PODXL: variants seen among roughly 807,000 people sequenced by gnomAD.
PODXL encodes the protein podocalyxin like.
PODXL carries 20 observed loss-of-function variants against 48.9 expected under a neutral mutation model. That is an observed-to-expected ratio of 0.41 (90% CI 0.29 to 0.59). PODXL has a LOEUF of 0.59. Among genes scored for constraint, PODXL ranks in the 20% least tolerant of loss-of-function variants. The pLI, the probability that PODXL is intolerant of heterozygous loss-of-function variation, is 0.31. For synonymous variants in PODXL, 295 were observed against 287.4 expected (o/e 1.03, Z -0.27); for missense variants, 606 against 675.1 (o/e 0.90, Z 1.13).
chr7:131,504,644 G>A (rs1051722709), intron 8 of PODXL, 136 bp from the exon 9 acceptor site: 5 of 709,204 alleles, frequency 7.1e-6, no homozygotes, highest in Non-Finnish European at 1.2e-5. Context: ...TGTGGGGCTG[G>A]CTGCTCCTGG....
In PODXL at chr7:131,503,992, G is replaced by A. The variant is rs926187232; in HGVS notation, c.*319C>T. On this transcript the variant is annotated 3_prime_UTR_variant, in exon 9 of 9. Coordinates refer to ENST00000378555, the MANE Select transcript of PODXL (RefSeq NM_001018111.3). ...TTGGGCAAGTCACTTACCCTCTTCA[G>A]GTCTCGGCAATCTCACTGCAGAATG... 2 of 386,854 alleles carry A rather than the reference G, an allele frequency of 5.2e-6. No individual in the cohort carries two copies. Among genetic ancestry groups the A allele is most frequent in the African/African-American group, 2.1e-5 (1 of 48,610 alleles). The allele number at this position is 386,854 out of a possible 1,614,324, so 24.0% of individuals were successfully genotyped here.
At chr7:131,540,607 G>A (rs1488760921) in intron 1 of PODXL, among the ~76,000 whole-genome samples, 2 of 152,056 alleles carry the variant, frequency 1.3e-5, no homozygotes, top group African/African-American at 4.8e-5. Flanking sequence ...GAGCCAAAGC[G>A]CCCGGACATT....
rs34520552 is a variant in PODXL, at chr7:131,504,383, C to A, written c.1605G>T (p.Gly535=). The stretch of plus-strand genomic sequence containing the variant: ...TGTCCAGAGGGACGATCCAGCTGTC[C>A]CCCAGCTCCCCGTTGAGGCTGACCA... ...KKVVSLNGEL[G]DSWIVPLDNL... Residue 535 remains glycine, a synonymous_variant, in exon 9 of 9, where the codon GGG becomes GGT. Transcript: ENST00000378555. 5,402 of 1,614,162 alleles carry A rather than the reference C, an allele frequency of 3.3e-3. 114 individuals are homozygous for A. The African/African-American group carries it at 0.055, about 16-fold the overall frequency.
Position 131,503,084 on chromosome 7 carries a change from G to A in PODXL, c.*1227C>T, listed in dbSNP as rs939814054. 1.8e-4 allele frequency: 28 copies of A among 152,636 alleles called. No individual in the cohort carries two copies. Among genetic ancestry groups the A allele is most frequent in the African/African-American group, 6.5e-4 (27 of 41,444 alleles). The allele number at this position is 152,636 out of a possible 1,614,324, so 9.5% of individuals were successfully genotyped here. On this transcript the variant is annotated 3_prime_UTR_variant, in exon 9 of 9. Coordinates refer to ENST00000378555, the MANE Select transcript of PODXL (RefSeq NM_001018111.3). The stretch of plus-strand genomic sequence containing the variant: ...TGAGCTAACTGGACGTCTGCCAACT[G>A]TCTGAGCTTTTGGCCTTTGGCAGTG...
intron 1 of PODXL, among the ~76,000 whole-genome samples, chr7:131,538,918 C>A (rs1364879420): frequency 6.6e-6 from 1 of 152,230 alleles, no homozygotes; most frequent in Non-Finnish European, 1.5e-5. Flanking sequence ...CAATACCCTC[C>A]CCAGGGGCCT....
rs537537424 is a variant in PODXL at position 131,528,938 on chromosome 7, C to T, written c.101-17505G>A. On this transcript the variant is annotated intron_variant, in intron 1 of 8. Transcript: ENST00000378555. ...TTTGTTAGGTCTTGAGTTCAAGCAT[C>T]GTGATGTGGGTTTACTTGAGCAGAT... 6.6e-5 allele frequency among the ~76,000 whole-genome samples: 10 copies of T among 151,878 alleles called. No homozygotes were observed. In the South Asian group the frequency reaches 1.5e-3, roughly 22 times the overall value.
chr7:131,553,033 A>C (rs1048582488), intron 1 of PODXL, among the ~76,000 whole-genome samples: 2 of 151,878 alleles, frequency 1.3e-5, no homozygotes, highest in African/African-American at 4.8e-5. Flanking sequence ...TGATCCTCCC[A>C]CCTTGGCCTC....
chr7:131,552,972 A>G (rs1798690875), intron 1 of PODXL, among the ~76,000 whole-genome samples: 1 of 151,994 alleles, frequency 6.6e-6, no homozygotes, highest in East Asian at 1.9e-4. Context: ...TTGTCTTTTT[A>G]GTACAGTCTT....
intron 1 of PODXL, among the ~76,000 whole-genome samples, chr7:131,523,767 A>G: frequency 6.6e-6 from 1 of 150,748 alleles, no homozygotes; most frequent in South Asian, 2.1e-4. Flanking sequence ...ATACAAGATT[A>G]TTTTTATATT....
intron 5 of PODXL, among the ~76,000 whole-genome samples, chr7:131,508,507 T>C (rs1040349521): frequency 2.0e-5 from 3 of 152,150 alleles, no homozygotes; most frequent in Non-Finnish European, 4.4e-5. Context: ...ACTTCCTGCC[T>C]CAGCTTCTCA....
At chr7:131,507,399 G>T (rs139756311) in intron 5 of PODXL, among the ~76,000 whole-genome samples, 2 of 152,300 alleles carry the variant, frequency 1.3e-5, no homozygotes, top group African/African-American at 4.8e-5. Flanking sequence ...TGTGGCTGAC[G>T]TGGCTTTAGA....
At position 131,510,943 on chromosome 7, in the gene PODXL, A is replaced by C. The variant is rs200312133; in HGVS notation, c.591T>G (p.Pro197=). 54 of 1,614,174 alleles carry C rather than the reference A, an allele frequency of 3.3e-5. No homozygotes were observed. The highest frequency in any genetic ancestry group is 1.7e-5 in the Admixed American group (1 of 60,026). Residue 197 remains proline (P), a synonymous_variant, in exon 2 of 9, where the codon CCT becomes CCG. Coordinates refer to ENST00000378555, the MANE Select transcript of PODXL (RefSeq NM_001018111.3). ...LSPRQPTSTH[P]VATPTSSGHD... ...GTCCCGAGCTTGTTGGGGTGGCCAC[A>C]GGATGCGTCGAAGTGGGTTGTCGGG... is the stretch of plus-strand genomic sequence containing the variant.
At position 131,556,283 on chromosome 7, in the gene PODXL, GGCGA is replaced by G. The variant is rs766045020; in HGVS notation, c.73_76del (p.Ser25ArgfsTer141). The stretch of plus-strand genomic sequence containing the variant: ...ACCATTCTGGGAGGGCGACGGCGAC[GGCGA>G]CGGCGACGACGGCAGCAGCGGCGGC... On this transcript the variant is annotated frameshift_variant, in exon 1 of 9. Coordinates refer to ENST00000378555, the MANE Select transcript of PODXL (RefSeq NM_001018111.3). LOFTEE classifies it high-confidence loss of function. 9.8e-4 allele frequency: 1,449 copies of G among 1,477,654 alleles called. 15 individuals carry two copies. In the African/African-American group the frequency reaches 0.021, roughly 22 times the overall value. The allele number at this position is 1,477,654 out of a possible 1,614,324, so 91.5% of individuals were successfully genotyped here.
At chr7:131,530,759 G>GAAAA (rs886450674) in intron 1 of PODXL, among the ~76,000 whole-genome samples, 1 of 71,734 alleles carries the variant, frequency 1.4e-5, no homozygotes, top group Non-Finnish European at 2.8e-5. Flanking sequence ...TCATGTCTCA[G>GAAAA]AAAAAAAAAA....
At chr7:131,510,140 G>A in intron 3 of PODXL, 96 bp downstream of exon 3, 1 of 416,316 alleles carries the variant, frequency 2.4e-6, no homozygotes, top group Admixed American at 2.8e-5. Context: ...TCCATAGGTA[G>A]ATTTTGAAAT....
intron 5 of PODXL, among the ~76,000 whole-genome samples, chr7:131,508,033 C>T (rs1255915765): frequency 2.0e-5 from 3 of 152,242 alleles, no homozygotes; most frequent in African/African-American, 7.2e-5. Context: ...AAAAAACCGG[C>T]ACTGACCGGG....
rs983215503 is a variant in PODXL at position 131,500,522 on chromosome 7, G to A, written c.*3789C>T. On this transcript the variant is annotated 3_prime_UTR_variant, in exon 9 of 9. Transcript: ENST00000378555. ...TCCATGCTGTGTTTGCAGCAGACCT[G>A]AGGGATCAGCTAGTGACCGTGACAA... is the stretch of plus-strand genomic sequence containing the variant. 2 of 152,524 alleles carry A rather than the reference G, an allele frequency of 1.3e-5. No homozygotes were observed. The highest frequency in any genetic ancestry group is 2.9e-5 in the Non-Finnish European group (2 of 68,052). The allele number at this position is 152,524 out of a possible 1,614,324, so 9.4% of individuals were successfully genotyped here.
intron 1 of PODXL, 109 bp from the exon 2 acceptor site, chr7:131,511,542 G>T (rs1401961155): frequency 1.7e-6 from 2 of 1,165,160 alleles, no homozygotes; most frequent in Non-Finnish European, 1.2e-6. Flanking sequence ...CCTGCTGTCT[G>T]CCTTGCTAAA....
intron 1 of PODXL, among the ~76,000 whole-genome samples, chr7:131,526,899 C>T (rs751778201): frequency 8.6e-5 from 13 of 151,942 alleles, no homozygotes; most frequent in Middle Eastern, 3.4e-3. Flanking sequence ...TCACCACGGC[C>T]GGCTAATTTT....
Sources: gnomAD v4.1 joint callset for allele counts (sites outside exome capture counted in the v4.1 genomes callset) on GRCh38, gnomAD v4.1.1 for gene constraint, MANE v1.5 for transcripts, NCBI Gene and HGNC (gene_info 2026-07-23, HGNC 2026-07-21) for gene names.